The following AP3D1 variants were observed in gnomAD, a reference collection of about 807,000 sequenced individuals.
AP3D1 encodes the protein adaptor related protein complex 3 subunit delta 1.
AP3D1 carries 51 observed loss-of-function variants against 147.6 expected under a neutral mutation model. The observed-to-expected ratio is 0.35, with a 90% CI of 0.28 to 0.44. The LOEUF (loss-of-function observed/expected upper bound fraction) is 0.44. AP3D1 is among the 20% of genes least tolerant of loss of function. The probability of loss-of-function intolerance (pLI) is 1.00; values close to 1 mark genes in which losing one functional copy is unlikely to be tolerated. For missense variants in AP3D1, 1,421 were observed against 1,624.2 expected (o/e 0.87, Z 2.15); for synonymous variants, 760 against 663.0 (o/e 1.15, Z -2.25).
At chr19:2,125,172 T>C (rs2018718918) in intron 9 of AP3D1, among the ~76,000 whole-genome samples, 2 of 152,108 alleles carry the variant, frequency 1.3e-5, no homozygotes, top group Admixed American at 1.3e-4. Context: ...TACAAATATC[T>C]GGAAATGAAT....
At chr19:2,105,130 A>C in intron 31 of AP3D1, among the ~76,000 whole-genome samples, 1 of 152,228 alleles carries the variant, frequency 6.6e-6, no homozygotes, top group East Asian at 1.9e-4. Flanking sequence ...AGCTAGGACG[A>C]GGCAGACTGG....
upstream of AP3D1, among the ~76,000 whole-genome samples, chr19:2,153,136 G>A (rs183476435): frequency 9.2e-5 from 14 of 151,610 alleles, 1 homozygote; most frequent in African/African-American, 3.4e-4. Context: ...CACTTCGGGA[G>A]GCCTAAAGGG....
chr19:2,147,433 A>G (rs1341709163), intron 1 of AP3D1, among the ~76,000 whole-genome samples: 4 of 90,258 alleles, frequency 4.4e-5, no homozygotes, highest in Non-Finnish European at 6.6e-5. Context: ...TTTTTTTTTT[A>G]GTTGGAGTCC....
intron 25 of AP3D1, 73 bp from the exon 26 acceptor site, chr19:2,111,405 A>G: frequency 6.4e-7 from 1 of 1,565,162 alleles, no homozygotes; most frequent in Non-Finnish European, 8.8e-7. Context: ...GTATGGCCCA[A>G]TACCCCAGGT....
At chr19:2,103,092 C>T (rs1043277911) in intron 31 of AP3D1, among the ~76,000 whole-genome samples, 1 of 152,202 alleles carries the variant, frequency 6.6e-6, no homozygotes, top group African/African-American at 2.4e-5. Context: ...CCACTGCACA[C>T]CAGCCTGGGC....
chr19:2,145,326 T>TC (rs376455550), intron 1 of AP3D1, among the ~76,000 whole-genome samples: 1 of 151,864 alleles, frequency 6.6e-6, no homozygotes, highest in African/African-American at 2.4e-5. Context: ...CCACCCGGGG[T>TC]CCCCACATCC....
At chr19:2,135,901 A>T (rs2019063339) in intron 4 of AP3D1, among the ~76,000 whole-genome samples, 1 of 150,510 alleles carries the variant, frequency 6.6e-6, no homozygotes, top group African/African-American at 2.5e-5. Flanking sequence ...CCCAGTTACC[A>T]CCTGCAAAAC....
rs1054881233 is a variant in AP3D1 at position 2,116,531 on chromosome 19, G to A, written c.2001+74C>T. 6 of 1,465,778 alleles carry A rather than the reference G, an allele frequency of 4.1e-6. No homozygotes were observed. The East Asian group carries it at 7.3e-5, about 18-fold the overall frequency. The allele number at this position is 1,465,778 out of a possible 1,614,324, so 90.8% of individuals were successfully genotyped here. ...GTCAGGGCCAGGACCCACAGAGGCCGCTGACCTGCCTCAAAGACTCCCTGG... is the reference window on the plus strand; with the variant it reads ...GTCAGGGCCAGGACCCACAGAGGCCACTGACCTGCCTCAAAGACTCCCTGG... On this transcript the variant is annotated intron_variant, in intron 17 of 31. Coordinates refer to ENST00000643116, the MANE Select transcript of AP3D1 (RefSeq NM_001261826.3).
At chr19:2,123,722 C>G in intron 10 of AP3D1, 108 bp downstream of exon 10, 1 of 1,355,492 alleles carries the variant, frequency 7.4e-7, no homozygotes, top group South Asian at 1.3e-5. Flanking sequence ...CGCAAGATGG[C>G]GTGGGGGGAC....
intron 4 of AP3D1, chr19:2,133,543 C>T (rs1452362972): frequency 6.6e-6 from 1 of 151,784 alleles, no homozygotes; most frequent in East Asian, 1.9e-4. Flanking sequence ...CTCACTCTGT[C>T]CCCCAGGCTG....
chr19:2,148,852 C>T (rs1019720035), intron 1 of AP3D1, among the ~76,000 whole-genome samples: 6 of 152,162 alleles, frequency 3.9e-5, no homozygotes, highest in Admixed American at 6.6e-5. Flanking sequence ...AAATCTATTA[C>T]GAAATGGAAA....
chr19:2,140,542 C>A (rs2019192854), intron 1 of AP3D1, among the ~76,000 whole-genome samples: 1 of 151,026 alleles, frequency 6.6e-6, no homozygotes, highest in Admixed American at 6.6e-5. Context: ...GTGGTGAGAT[C>A]ACTGCTCACT....
chr19:2,121,104 A>G lies in AP3D1; in HGVS notation c.1251-12T>C, dbSNP rs1331265252. On this transcript the variant is annotated splice_polypyrimidine_tract_variant and intron_variant, in intron 13 of 31. Coordinates refer to ENST00000643116, the MANE Select transcript of AP3D1 (RefSeq NM_001261826.3). Reference sequence around the variant, plus strand: ...GGATGCTGATGTACCTGTGGGGCAGAGGCGGTGAGTGAGCGGCGCCACGGA... The same window carrying G: ...GGATGCTGATGTACCTGTGGGGCAGGGGCGGTGAGTGAGCGGCGCCACGGA... 1.2e-6 allele frequency: 2 copies of G among 1,613,590 alleles called. No homozygotes were observed. The highest frequency in any genetic ancestry group is 4.5e-5 in the East Asian group (2 of 44,868).
chr19:2,142,028 G>A (rs922473332), intron 1 of AP3D1, among the ~76,000 whole-genome samples: 10 of 148,458 alleles, frequency 6.7e-5, no homozygotes, highest in Non-Finnish European at 1.5e-4. Context: ...ATATATATAT[G>A]TATCTTTTGA....
chr19:2,141,447 T>A (rs2019217741), intron 1 of AP3D1, among the ~76,000 whole-genome samples: 1 of 151,568 alleles, frequency 6.6e-6, no homozygotes, highest in Admixed American at 6.6e-5. Flanking sequence ...TTTTTTTTTT[T>A]TTTTTTTAAT....
chr19:2,106,497 C>T (rs907524296), intron 31 of AP3D1, among the ~76,000 whole-genome samples: 2 of 152,034 alleles, frequency 1.3e-5, no homozygotes, highest in African/African-American at 4.8e-5. Flanking sequence ...TGTGGTGAGC[C>T]CTTGGCTCCA....
intron 11 of AP3D1, among the ~76,000 whole-genome samples, 199 bp from the exon 12 acceptor site, chr19:2,122,078 G>A (rs185421451): frequency 4.6e-5 from 7 of 152,254 alleles, no homozygotes; most frequent in Middle Eastern, 3.4e-3. Flanking sequence ...CCTGGGAGCC[G>A]GGGTGCAGGC....
In AP3D1 at chr19:2,101,013, T is replaced by C. The variant is rs1417612191; in HGVS notation, c.*1160A>G. ...TGGAAATGCCTGTTTTACAACTTTATTGGATCATCTTGACACAAAATCATG... is the reference window on the plus strand; with the variant it reads ...TGGAAATGCCTGTTTTACAACTTTACTGGATCATCTTGACACAAAATCATG... On this transcript the variant is annotated 3_prime_UTR_variant, in exon 32 of 32. Coordinates refer to ENST00000643116, the MANE Select transcript of AP3D1 (RefSeq NM_001261826.3). The C allele has an allele frequency of 6.6e-6, 1 of 152,404 alleles. No homozygotes were observed. The highest frequency in any genetic ancestry group is 1.5e-5 in the Non-Finnish European group (1 of 68,018). 9.4% of individuals were successfully genotyped at this position (152,404 alleles called of 1,614,324 possible).
In AP3D1 at chr19:2,162,315, C is replaced by T. The variant is rs183016591; in HGVS notation, c.-103+2041G>A. On this transcript the variant is annotated intron_variant, in intron 1 of 14. Transcript: ENST00000643010. ...CCTCCCAAAGTGTTGGGATTACAAGCGTGAGCCACCGCACCCGGCCCCTGT... is the reference window on the plus strand; with the variant it reads ...CCTCCCAAAGTGTTGGGATTACAAGTGTGAGCCACCGCACCCGGCCCCTGT... 6.0e-4 allele frequency among the ~76,000 whole-genome samples: 89 copies of T among 147,958 alleles called. 1 individual carries two copies. Among genetic ancestry groups the T allele is most frequent in the African/African-American group, 2.0e-3 (80 of 40,592 alleles).
Sources: allele counts gnomAD v4.1 joint callset (sites outside exome capture counted in the v4.1 genomes callset), GRCh38; gene constraint gnomAD v4.1.1; transcripts MANE v1.5; gene names NCBI Gene and HGNC (gene_info 2026-07-23, HGNC 2026-07-21).